The following KIRREL3 variants were observed in gnomAD, a reference collection of about 807,000 sequenced individuals.
KIRREL3 encodes the protein kin of IRRE-like protein 3.
A neutral mutation model predicts 89.7 loss-of-function variants in KIRREL3; 36 were observed. That is an observed-to-expected ratio of 0.40 (90% CI 0.31 to 0.53). KIRREL3 has a LOEUF of 0.53. Among genes scored for constraint, KIRREL3 ranks in the 20% least tolerant of loss-of-function variants. The pLI, the probability that KIRREL3 is intolerant of heterozygous loss-of-function variation, is 0.49. For missense variants in KIRREL3, 864 were observed against 1,056.6 expected (o/e 0.82, Z 2.53); for synonymous variants, 445 against 441.4 (o/e 1.01, Z -0.10).
At chr11:126,921,389 TTGTA>T (rs1264654235) in intron 1 of KIRREL3, among the ~76,000 whole-genome samples, 4 of 137,040 alleles carry the variant, frequency 2.9e-5, no homozygotes, top group East Asian at 2.2e-4. Flanking sequence ...TCATCCTGTC[TTGTA>T]TCTATCTATC....
At chr11:126,529,112 G>C (rs1250846171) in intron 2 of KIRREL3, among the ~76,000 whole-genome samples, 2 of 152,202 alleles carry the variant, frequency 1.3e-5, no homozygotes, top group Non-Finnish European at 2.9e-5. Context: ...AGCACCCACA[G>C]TGGGTAACCG....
rs1189682259 is a variant in KIRREL3 at position 126,622,037 on chromosome 11, C to T, written c.56-59125G>A. ...GTTGTATTTCTGGACAGTTGAGGTG[C>T]TGCCCATGGGCTGGGTGAATGGTGG... On this transcript the variant is annotated intron_variant, in intron 1 of 16. Coordinates refer to ENST00000525144, the MANE Select transcript of KIRREL3 (RefSeq NM_032531.4). This position sits in a 1 kb window ranked among gnomAD's most constrained non-coding sequence, Gnocchi z 5.2. 6.6e-6 allele frequency among the ~76,000 whole-genome samples: 1 copy of T among 152,158 alleles called. No homozygotes were observed. The highest frequency in any genetic ancestry group is 1.9e-4 in the East Asian group (1 of 5,190).
chr11:126,517,325 C>A (rs1464769850), intron 4 of KIRREL3, among the ~76,000 whole-genome samples: 1 of 152,200 alleles, frequency 6.6e-6, no homozygotes, highest in East Asian at 1.9e-4. Context: ...AAGGACCTTG[C>A]CCAAGGTCAC....
At chr11:126,757,058 C>G (rs1949526988) in intron 1 of KIRREL3, among the ~76,000 whole-genome samples, 1 of 152,094 alleles carries the variant, frequency 6.6e-6, no homozygotes, top group South Asian at 2.1e-4. Flanking sequence ...TCTCAGAAGC[C>G]CATGCATTTC....
intron 1 of KIRREL3, among the ~76,000 whole-genome samples, chr11:126,721,666 G>T (rs192165349): frequency 6.6e-6 from 1 of 152,306 alleles, no homozygotes; most frequent in Non-Finnish European, 1.5e-5. Flanking sequence ...GAGATTGAAG[G>T]CCAAGGCTTC....
intron 1 of KIRREL3, among the ~76,000 whole-genome samples, chr11:126,815,400 A>G (rs1951529929): frequency 6.6e-6 from 1 of 152,238 alleles, no homozygotes. Flanking sequence ...CTAAACCCTC[A>G]TCTTATTTCT....
rs1482068731 is a variant in KIRREL3, at chr11:126,525,448, G to A, written c.283+1090C>T. 2.0e-5 allele frequency among the ~76,000 whole-genome samples: 3 copies of A among 152,122 alleles called. No individual in the cohort carries two copies. Among genetic ancestry groups the A allele is most frequent in the Admixed American group, 6.6e-5 (1 of 15,266 alleles). Reference sequence around the variant, plus strand: ...TGTGTATTTTTTCCATGCTCAGCTGGGCTGCAGCGTTCAAACCTCGTGCCT... The same window carrying A: ...TGTGTATTTTTTCCATGCTCAGCTGAGCTGCAGCGTTCAAACCTCGTGCCT... On this transcript the variant is annotated intron_variant, in intron 3 of 16. Coordinates refer to ENST00000525144, the MANE Select transcript of KIRREL3 (RefSeq NM_032531.4). The surrounding 1 kb of genome is among the most constrained non-coding windows in gnomAD (Gnocchi z 5.4).
Position 126,844,597 on chromosome 11 carries a change from C to T in KIRREL3, c.55+155858G>A, listed in dbSNP as rs559222399. 3.7e-4 allele frequency among the ~76,000 whole-genome samples: 56 copies of T among 152,016 alleles called. No individual in the cohort carries two copies. The highest frequency in any genetic ancestry group is 7.5e-4 in the Non-Finnish European group (51 of 67,996). On this transcript the variant is annotated intron_variant, in intron 1 of 16. Transcript: ENST00000525144. The surrounding 1 kb of genome is among the most constrained non-coding windows in gnomAD (Gnocchi z 4.8). ...CTCCATAAAAGGCAAGGACACTTGA[C>T]CGAACTTGAGTTTGAGGCCCAACTT...
At chr11:126,629,937 A>G (rs557799830) in intron 1 of KIRREL3, among the ~76,000 whole-genome samples, 4 of 152,258 alleles carry the variant, frequency 2.6e-5, no homozygotes, top group African/African-American at 9.6e-5. Context: ...CAGTCCCTTT[A>G]TTAAACTCTC....
At chr11:126,583,932 G>A (rs1941690966) in intron 1 of KIRREL3, among the ~76,000 whole-genome samples, 1 of 152,164 alleles carries the variant, frequency 6.6e-6, no homozygotes, top group African/African-American at 2.4e-5. Context: ...GGCATTACAG[G>A]CCATTGTTTT....
intron 1 of KIRREL3, among the ~76,000 whole-genome samples, chr11:126,979,241 G>A (rs533291531): frequency 1.3e-5 from 2 of 152,294 alleles, no homozygotes; most frequent in African/African-American, 2.4e-5. Flanking sequence ...GAATAGAAAT[G>A]AGAGTATGAG....
chr11:126,951,971 C>T (rs1250780784), intron 1 of KIRREL3, among the ~76,000 whole-genome samples: 1 of 152,130 alleles, frequency 6.6e-6, no homozygotes, highest in Non-Finnish European at 1.5e-5. Flanking sequence ...TAAAAAAGAT[C>T]CATGATGAGC....
rs1957855359 is a variant in KIRREL3, at chr11:126,501,349, A to G, written c.433+19966T>C. Among the ~76,000 whole-genome samples the G allele has an allele frequency of 6.6e-6, 1 of 152,220 alleles. No individual in the cohort carries two copies. ...ATGTTCACATCTTTAAGAGGGGAAG[A>G]CGGGGCTGCAGAGGGAGAGGAGCCA... On this transcript the variant is annotated intron_variant, in intron 4 of 16. Coordinates refer to ENST00000525144, the MANE Select transcript of KIRREL3 (RefSeq NM_032531.4). The surrounding 1 kb of genome is among the most constrained non-coding windows in gnomAD (Gnocchi z 5.8).
At chr11:126,540,547 C>T (rs907768478) in intron 2 of KIRREL3, among the ~76,000 whole-genome samples, 3 of 152,240 alleles carry the variant, frequency 2.0e-5, no homozygotes, top group Non-Finnish European at 2.9e-5. Flanking sequence ...AAATCCTTTG[C>T]CTACTGATGA....
intron 1 of KIRREL3, among the ~76,000 whole-genome samples, chr11:126,680,156 C>T (rs908257218): frequency 6.6e-6 from 1 of 152,154 alleles, no homozygotes; most frequent in African/African-American, 2.4e-5. Context: ...CCTGGAGGTG[C>T]CTAGTCAGTG....
In KIRREL3 at chr11:126,694,274, A is replaced by G. The variant is rs192412211; in HGVS notation, c.56-131362T>C. ...CAAACCTTGGAAATGCTCACTGCAA[A>G]TGGTTGTTCTTGTTTTATTGCTTAT... On this transcript the variant is annotated intron_variant, in intron 1 of 16. Transcript: ENST00000525144. This position sits in a 1 kb window ranked among gnomAD's most constrained non-coding sequence, Gnocchi z 4.4. 6.6e-6 allele frequency among the ~76,000 whole-genome samples: 1 copy of G among 152,284 alleles called. No homozygotes were observed. Among genetic ancestry groups the G allele is most frequent in the East Asian group, 1.9e-4 (1 of 5,188 alleles).
At chr11:126,438,172 A>C (rs1305311676) in intron 11 of KIRREL3, among the ~76,000 whole-genome samples, 1 of 152,196 alleles carries the variant, frequency 6.6e-6, no homozygotes, top group East Asian at 1.9e-4. Flanking sequence ...GGTGGGTGTG[A>C]GTTAGGACAG....
At position 126,769,966 on chromosome 11, in the gene KIRREL3, T is replaced by C. The variant is rs1192135923; in HGVS notation, c.56-207054A>G. Reference sequence around the variant, plus strand: ...CTCTGTGGATATTAGCTGTTGATTATAGTTGTTTTTCCCAGATCCCTGTAT... The same window carrying C: ...CTCTGTGGATATTAGCTGTTGATTACAGTTGTTTTTCCCAGATCCCTGTAT... On this transcript the variant is annotated intron_variant, in intron 1 of 16. Coordinates refer to ENST00000525144, the MANE Select transcript of KIRREL3 (RefSeq NM_032531.4). The surrounding 1 kb of genome is among the most constrained non-coding windows in gnomAD (Gnocchi z 4.3). Among the ~76,000 whole-genome samples, 1 of 152,168 alleles carries C rather than the reference T, an allele frequency of 6.6e-6. No homozygotes were observed. Among genetic ancestry groups the C allele is most frequent in the African/African-American group, 2.4e-5 (1 of 41,444 alleles).
At position 126,850,221 on chromosome 11, in the gene KIRREL3, C is replaced by T. The variant is rs144531538; in HGVS notation, c.55+150234G>A. Among the ~76,000 whole-genome samples, 4 of 152,340 alleles carry T rather than the reference C, an allele frequency of 2.6e-5. No homozygotes were observed. In the East Asian group the frequency reaches 7.7e-4, roughly 29 times the overall value. ...CAAAGATATTTCACCCACATGATCT[C>T]TTTTGAGCACCATGACCACCCTATC... On this transcript the variant is annotated intron_variant, in intron 1 of 16. Coordinates refer to ENST00000525144, the MANE Select transcript of KIRREL3 (RefSeq NM_032531.4).
Sources: gnomAD v4.1 joint callset for allele counts (sites outside exome capture counted in the v4.1 genomes callset) on GRCh38, gnomAD v4.1.1 for gene constraint, Gnocchi (gnomAD v3.1) non-coding constraint, MANE v1.5 for transcripts, NCBI Gene and HGNC (gene_info 2026-07-23, HGNC 2026-07-21) for gene names.